NCOA3: variants seen among roughly 807,000 people sequenced by gnomAD.
NCOA3 encodes nuclear receptor coactivator 3.
In NCOA3, 51 loss-of-function variants were observed where a neutral mutation model predicts 158.8. That is an observed-to-expected ratio of 0.32 (90% CI 0.26 to 0.41). The LOEUF is 0.41. Ranked by LOEUF, NCOA3 falls within the 10% of genes least tolerant of loss-of-function variation. The pLI is 1.00. For missense variants in NCOA3, 1,510 were observed against 1,746.6 expected (o/e 0.86, Z 2.41); for synonymous variants, 537 against 592.4 (o/e 0.91, Z 1.36).
chr20:47,652,824 C>G, intron 21 of NCOA3, 107 bp from the exon 22 acceptor site: 1 of 1,320,410 alleles, frequency 7.6e-7, no homozygotes, highest in Non-Finnish European at 1.1e-6. Flanking sequence ...CTAACATTCC[C>G]AGCTTAAGTA....
At chr20:47,516,130 T>G (rs1214404042) in intron 1 of NCOA3, among the ~76,000 whole-genome samples, 2 of 152,142 alleles carry the variant, frequency 1.3e-5, no homozygotes, top group African/African-American at 2.4e-5. Flanking sequence ...TGTTATAAAT[T>G]GTTCCAAACT....
At chr20:47,519,296 G>C (rs1420220072) in intron 1 of NCOA3, among the ~76,000 whole-genome samples, 1 of 152,046 alleles carries the variant, frequency 6.6e-6, no homozygotes, top group African/African-American at 2.4e-5. Context: ...GCCAGGCGTG[G>C]TGGCGTGTGC....
At chr20:47,585,774 A>G (rs2085526228) in intron 2 of NCOA3, among the ~76,000 whole-genome samples, 2 of 152,224 alleles carry the variant, frequency 1.3e-5, no homozygotes, top group Non-Finnish European at 2.9e-5. Flanking sequence ...AAGAAAAAGT[A>G]CAAACTCCCT....
chr20:47,590,519 T>C (rs2085613236), intron 2 of NCOA3, among the ~76,000 whole-genome samples: 1 of 152,076 alleles, frequency 6.6e-6, no homozygotes, highest in Admixed American at 6.6e-5. Flanking sequence ...CATAATATAT[T>C]AAATTGTGAG....
intron 2 of NCOA3, among the ~76,000 whole-genome samples, chr20:47,586,878 G>C (rs532269921): frequency 1.3e-5 from 2 of 152,204 alleles, no homozygotes; most frequent in Non-Finnish European, 2.9e-5. Flanking sequence ...GTCATATGAC[G>C]TCCGTCTGTC....
intron 1 of NCOA3, among the ~76,000 whole-genome samples, chr20:47,554,962 A>C (rs1425178332): frequency 2.0e-5 from 3 of 152,188 alleles, no homozygotes; most frequent in African/African-American, 4.8e-5. Context: ...AAACTATACT[A>C]CAAGGCTACA....
chr20:47,550,147 T>TC (rs200575381), intron 1 of NCOA3, among the ~76,000 whole-genome samples: 2,511 of 151,700 alleles, frequency 0.017, 72 homozygotes, highest in African/African-American at 0.058. Context: ...TTTTTTTTTT[T>TC]TTAAAAGGGT....
chr20:47,619,132 A>G (rs1265757573), intron 2 of NCOA3, among the ~76,000 whole-genome samples: 1 of 152,206 alleles, frequency 6.6e-6, no homozygotes, highest in Non-Finnish European at 1.5e-5. Flanking sequence ...TTGACCACCT[A>G]TTACATGGTA....
At chr20:47,551,798 T>A (rs1256677459) in intron 1 of NCOA3, among the ~76,000 whole-genome samples, 1 of 152,232 alleles carries the variant, frequency 6.6e-6, no homozygotes, top group Non-Finnish European at 1.5e-5. Context: ...TTTATATGGT[T>A]CAATATTTTA....
chr20:47,556,984 A>G (rs1462208008), intron 1 of NCOA3, among the ~76,000 whole-genome samples: 10 of 152,312 alleles, frequency 6.6e-5, no homozygotes, highest in Admixed American at 5.9e-4. Context: ...TTGTCAGTAT[A>G]TAGAGATCTT....
At chr20:47,618,471 C>T (rs184724293) in intron 2 of NCOA3, among the ~76,000 whole-genome samples, 1 of 150,302 alleles carries the variant, frequency 6.7e-6, no homozygotes, top group African/African-American at 2.4e-5. Context: ...TCTCCTGTCT[C>T]AGCCTCCTGA....
chr20:47,543,744 A>C (rs1195172036), intron 1 of NCOA3, among the ~76,000 whole-genome samples: 1 of 152,088 alleles, frequency 6.6e-6, no homozygotes, highest in Non-Finnish European at 1.5e-5. Flanking sequence ...TCCTGACCTC[A>C]GGTGATCCAC....
At chr20:47,579,428 A>T (rs562168271) in intron 1 of NCOA3, among the ~76,000 whole-genome samples, 1 of 152,370 alleles carries the variant, frequency 6.6e-6, no homozygotes, top group South Asian at 2.1e-4. Flanking sequence ...TGTGTGATTG[A>T]TGAAAATCTG....
chr20:47,653,483 A>G lies in NCOA3; in HGVS notation c.*66A>G. The G allele has an allele frequency of 2.6e-6, 4 of 1,556,692 alleles. No homozygotes were observed. In the South Asian group the frequency reaches 4.7e-5, roughly 18 times the overall value. On this transcript the variant is annotated 3_prime_UTR_variant, in exon 23 of 23. Transcript: ENST00000371998. ...ATGACACTGCACTAGGATTATTGGG[A>G]AGGAATCATTGTTCCAGGCATCCAT...
At chr20:47,611,265 C>T (rs1437981379) in intron 2 of NCOA3, among the ~76,000 whole-genome samples, 1 of 151,964 alleles carries the variant, frequency 6.6e-6, no homozygotes, top group African/African-American at 2.4e-5. Flanking sequence ...GTGCACATAC[C>T]CACTGTCCCT....
At chr20:47,598,019 G>A (rs1230903726) in intron 2 of NCOA3, among the ~76,000 whole-genome samples, 1 of 151,558 alleles carries the variant, frequency 6.6e-6, no homozygotes, top group Non-Finnish European at 1.5e-5. Context: ...GCCGAGGTGG[G>A]CGGATCATGA....
rs147680601 is a variant in NCOA3, at chr20:47,618,098, G to T, written c.-19-4131G>T. On this transcript the variant is annotated intron_variant, in intron 2 of 22. Transcript: ENST00000371998. Reference sequence around the variant, plus strand: ...TTGAAAATACAAAAATTAGCCAGGCGTGGTGGCACACACCTATAATCTCAG... The same window carrying T: ...TTGAAAATACAAAAATTAGCCAGGCTTGGTGGCACACACCTATAATCTCAG... 5.6e-3 allele frequency among the ~76,000 whole-genome samples: 845 copies of T among 152,100 alleles called. 4 individuals are homozygous for T. The highest frequency in any genetic ancestry group is 0.011 in the Admixed American group (169 of 15,276).
chr20:47,568,366 A>C (rs2146196083), intron 1 of NCOA3, among the ~76,000 whole-genome samples: 2 of 152,312 alleles, frequency 1.3e-5, no homozygotes, highest in Middle Eastern at 6.8e-3. Flanking sequence ...ACCTCAGACC[A>C]TTGTGATAAA....
chr20:47,607,190 G>C (rs1440561660), intron 2 of NCOA3, among the ~76,000 whole-genome samples: 1 of 152,174 alleles, frequency 6.6e-6, no homozygotes, highest in African/African-American at 2.4e-5. Flanking sequence ...TAGGAGACTA[G>C]AATATACCAC....
Sources: gnomAD v4.1 joint callset for allele counts (sites outside exome capture counted in the v4.1 genomes callset) on GRCh38, gnomAD v4.1.1 for gene constraint, MANE v1.5 for transcripts, NCBI Gene and HGNC (gene_info 2026-07-23, HGNC 2026-07-21) for gene names.